ZRANB3: variants seen among roughly 807,000 people sequenced by gnomAD.
The protein encoded by ZRANB3 is DNA annealing helicase and endonuclease ZRANB3.
A neutral mutation model predicts 133.8 loss-of-function variants in ZRANB3; 125 were observed. The observed-to-expected ratio is 0.93, with a 90% CI of 0.81 to 1.08. The LOEUF is 1.08. Among genes scored for constraint, ZRANB3 ranks in the 50% least tolerant of loss-of-function variants. ZRANB3 has a pLI of 0.00. For synonymous variants in ZRANB3, 387 were observed against 432.7 expected (o/e 0.89, Z 1.31); for missense variants, 1,229 against 1,275.5 (o/e 0.96, Z 0.56).
At chr2:135,514,146 A>T (rs1240053093) in intron 1 of ZRANB3, among the ~76,000 whole-genome samples, 2 of 152,052 alleles carry the variant, frequency 1.3e-5, no homozygotes, top group African/African-American at 2.4e-5. Context: ...TTCCATATGA[A>T]ATTTAAAGTA....
At chr2:135,454,991 T>G (rs1174430668) in intron 2 of ZRANB3, among the ~76,000 whole-genome samples, 4 of 152,062 alleles carry the variant, frequency 2.6e-5, no homozygotes, top group African/African-American at 9.7e-5. Flanking sequence ...TCTTGCTATT[T>G]TTTTATTTCA....
rs749748106 is a variant in ZRANB3 at position 135,200,420 on chromosome 2, C to T, written c.3162G>A (p.Lys1054=). 2 of 1,604,822 alleles carry T rather than the reference C, an allele frequency of 1.2e-6. No individual in the cohort carries two copies. Among genetic ancestry groups the T allele is most frequent in the Non-Finnish European group, 1.7e-6 (2 of 1,175,330 alleles). ...CHKERTARQA[K]ERSQVRRQSL... Reference sequence around the variant, plus strand: ...ATTGTCTTCTCACCTGGCTTCTTTCCTTAGCTTGTCTGGCAGTTCTCTAAA... The same window carrying T: ...ATTGTCTTCTCACCTGGCTTCTTTCTTTAGCTTGTCTGGCAGTTCTCTAAA... The change falls in exon 21 of 21, where the codon AAG becomes AAA. Residue 1054 remains lysine, a synonymous_variant. Transcript: ENST00000264159.
chr2:135,238,603 A>G (rs1157610526), intron 12 of ZRANB3, among the ~76,000 whole-genome samples: 1 of 151,874 alleles, frequency 6.6e-6, no homozygotes, highest in Non-Finnish European at 1.5e-5. Context: ...ACCTGAGGTG[A>G]TCCACCCGCC....
At chr2:135,525,848 C>CAAA (rs557386914) in intron 1 of ZRANB3, among the ~76,000 whole-genome samples, 2 of 67,022 alleles carry the variant, frequency 3.0e-5, no homozygotes, top group African/African-American at 4.5e-5. Flanking sequence ...AACTCTGTCT[C>CAAA]AAAAAAAAAA....
Position 135,444,966 on chromosome 2 carries a change from C to T in ZRANB3, c.162-54146G>A, listed in dbSNP as rs139544992. On this transcript the variant is annotated intron_variant, in intron 2 of 20. Transcript: ENST00000264159. Reference sequence around the variant, plus strand: ...TACTCTGGGGAGTATTAGTAGCCTCCGTAAGTGTAATTTTGGTGTTATGGT... The same window carrying T: ...TACTCTGGGGAGTATTAGTAGCCTCTGTAAGTGTAATTTTGGTGTTATGGT... Among the ~76,000 whole-genome samples the T allele has an allele frequency of 2.6e-5, 4 of 152,084 alleles. No homozygotes were observed. In the East Asian group the frequency reaches 5.8e-4, roughly 22 times the overall value.
At chr2:135,283,801 C>G (rs1271463943) in intron 8 of ZRANB3, among the ~76,000 whole-genome samples, 1 of 151,768 alleles carries the variant, frequency 6.6e-6, no homozygotes, top group African/African-American at 2.4e-5. Context: ...CTTTTCCATG[C>G]CTATTTAGGG....
At chr2:135,223,854 T>G (rs1365391524) in intron 15 of ZRANB3, among the ~76,000 whole-genome samples, 1 of 152,164 alleles carries the variant, frequency 6.6e-6, no homozygotes, top group Non-Finnish European at 1.5e-5. Context: ...TGGGCAGGTC[T>G]AGGCTTCTGT....
At chr2:135,375,601 C>T (rs565831032) in intron 3 of ZRANB3, among the ~76,000 whole-genome samples, 6 of 152,084 alleles carry the variant, frequency 3.9e-5, no homozygotes, top group Admixed American at 2.0e-4. Context: ...AGGAAAATGG[C>T]GTGAACCTGG....
At chr2:135,528,583 A>T (rs371303795) in intron 1 of ZRANB3, among the ~76,000 whole-genome samples, 106 of 152,336 alleles carry the variant, frequency 7.0e-4, no homozygotes, top group African/African-American at 2.4e-3. Flanking sequence ...AACTCAATAA[A>T]ATGATGGCCA....
Position 135,505,475 on chromosome 2 carries a change from A to G in ZRANB3, c.-7-979T>C, listed in dbSNP as rs181040139. Among the ~76,000 whole-genome samples the G allele has an allele frequency of 1.4e-3, 214 of 152,106 alleles. 2 individuals carry two copies. The highest frequency in any genetic ancestry group is 3.4e-3 in the Middle Eastern group (1 of 294). On this transcript the variant is annotated intron_variant, in intron 1 of 20. Transcript: ENST00000264159. ...TGTAGTCCCAGCTATTTAGGAGCCT[A>G]AGGCAGAAGAATCATTTGAACCCAG...
At chr2:135,379,189 T>G (rs981236944) in intron 3 of ZRANB3, among the ~76,000 whole-genome samples, 1 of 152,100 alleles carries the variant, frequency 6.6e-6, no homozygotes, top group Non-Finnish European at 1.5e-5. Context: ...AAATTAAAAA[T>G]TTTTTTAAAA....
chr2:135,417,863 A>G (rs1458501028), intron 2 of ZRANB3, among the ~76,000 whole-genome samples: 1 of 152,148 alleles, frequency 6.6e-6, no homozygotes, highest in Non-Finnish European at 1.5e-5. Context: ...CGCAAGGACA[A>G]AAAACTGAAC....
chr2:135,530,718 G>A (rs1430299830), intron 1 of ZRANB3: 3 of 152,220 alleles, frequency 2.0e-5, no homozygotes, highest in Admixed American at 6.5e-5. Context: ...CTCCCGTTAG[G>A]GTTGCGAAAA....
intron 15 of ZRANB3, among the ~76,000 whole-genome samples, 185 bp from the exon 16 acceptor site, chr2:135,219,363 G>A (rs1250199722): frequency 1.3e-5 from 2 of 152,212 alleles, no homozygotes; most frequent in African/African-American, 4.8e-5. Flanking sequence ...CCAAGAAGAG[G>A]AGGCAGGCTC....
At chr2:135,324,120 G>A (rs1336256367) in intron 6 of ZRANB3, among the ~76,000 whole-genome samples, 5 of 151,732 alleles carry the variant, frequency 3.3e-5, no homozygotes, top group African/African-American at 7.3e-5. Context: ...TAGGGTACAT[G>A]TGCACAACGT....
intron 6 of ZRANB3, among the ~76,000 whole-genome samples, chr2:135,342,323 C>G (rs1684713041): frequency 6.7e-6 from 1 of 149,896 alleles, no homozygotes; most frequent in Admixed American, 6.6e-5. Flanking sequence ...TAGGCGTGAG[C>G]CACCACGCCT....
At chr2:135,358,879 G>T (rs1207367006) in intron 3 of ZRANB3, among the ~76,000 whole-genome samples, 3 of 151,934 alleles carry the variant, frequency 2.0e-5, no homozygotes, top group Non-Finnish European at 4.4e-5. Context: ...GCACTGGTGG[G>T]AAATACAAGC....
chr2:135,329,472 T>C (rs532894133), intron 6 of ZRANB3, among the ~76,000 whole-genome samples: 1 of 152,362 alleles, frequency 6.6e-6, no homozygotes, highest in South Asian at 2.1e-4. Flanking sequence ...CCTTACAGCA[T>C]AGTTTGAAGC....
In ZRANB3 at chr2:135,296,090, C is replaced by T. The variant is rs190164821; in HGVS notation, c.966+17399G>A. On this transcript the variant is annotated intron_variant, in intron 8 of 20. Coordinates refer to ENST00000264159, the MANE Select transcript of ZRANB3 (RefSeq NM_032143.4). ...CTGTTCTCGAGGAGCATCTTTGTGGCGTTCTCTGTATTTCCTGAATTTGAA... is the reference window on the plus strand; with the variant it reads ...CTGTTCTCGAGGAGCATCTTTGTGGTGTTCTCTGTATTTCCTGAATTTGAA... Among the ~76,000 whole-genome samples the T allele has an allele frequency of 2.4e-3, 369 of 152,220 alleles. 1 individual carries two copies. The Middle Eastern group carries it at 0.037, about 15-fold the overall frequency.
Sources: allele counts gnomAD v4.1 joint callset (sites outside exome capture counted in the v4.1 genomes callset), GRCh38; gene constraint gnomAD v4.1.1; transcripts MANE v1.5; gene names NCBI Gene and HGNC (gene_info 2026-07-23, HGNC 2026-07-21).